HHAT: variants seen among roughly 807,000 people sequenced by gnomAD.
HHAT encodes protein-cysteine N-palmitoyltransferase HHAT.
HHAT carries 47 observed loss-of-function variants against 70.8 expected under a neutral mutation model. The observed-to-expected ratio is 0.66, with a 90% CI of 0.53 to 0.85. HHAT has a LOEUF of 0.85. Among genes scored for constraint, HHAT ranks in the 40% least tolerant of loss-of-function variants. The pLI is 0.00. For synonymous variants in HHAT, 228 were observed against 247.6 expected (o/e 0.92, Z 0.74); for missense variants, 609 against 604.8 (o/e 1.01, Z -0.07).
rs1314138423 is a variant in HHAT, at chr1:210,464,494, T to C, written c.857-11T>C. 6.2e-7 allele frequency: 1 copy of C among 1,614,168 alleles called. No homozygotes were observed. The highest frequency in any genetic ancestry group is 8.5e-7 in the Non-Finnish European group (1 of 1,179,992). On this transcript the variant is annotated splice_polypyrimidine_tract_variant and intron_variant, in intron 7 of 11. Coordinates refer to ENST00000261458, the MANE Select transcript of HHAT (RefSeq NM_018194.6). ...TCTTCCATGTGTCTGACTGGTCTGT[T>C]TGCCTTTCAGGAGGACTGGCGTTAG...
At chr1:210,387,977 C>T (rs564349115) in intron 4 of HHAT, among the ~76,000 whole-genome samples, 1 of 152,202 alleles carries the variant, frequency 6.6e-6, no homozygotes, top group East Asian at 1.9e-4. Flanking sequence ...GTTTATGCTG[C>T]TGTCACTGTT....
At chr1:210,332,874 T>C (rs1312909982) in intron 1 of HHAT, among the ~76,000 whole-genome samples, 4 of 152,226 alleles carry the variant, frequency 2.6e-5, no homozygotes, top group African/African-American at 4.8e-5. Context: ...TCTTACAGTC[T>C]TCTGTCTCAT....
At chr1:210,341,609 C>G (rs1227152961) in intron 1 of HHAT, among the ~76,000 whole-genome samples, 1 of 152,168 alleles carries the variant, frequency 6.6e-6, no homozygotes, top group Non-Finnish European at 1.5e-5. Context: ...TGAAAGGGAC[C>G]TAAAAACTTA....
chr1:210,566,910 A>C (rs1037206195), intron 9 of HHAT, among the ~76,000 whole-genome samples: 12 of 152,178 alleles, frequency 7.9e-5, no homozygotes, highest in Non-Finnish European at 1.3e-4. Flanking sequence ...GTTAACACTT[A>C]AGCCATTCAC....
At chr1:210,658,260 G>A (rs1676876068) in intron 11 of HHAT, among the ~76,000 whole-genome samples, 1 of 152,094 alleles carries the variant, frequency 6.6e-6, no homozygotes, top group South Asian at 2.1e-4. Context: ...AGTGGCCCAA[G>A]TGTCCCTTTT....
At chr1:210,340,244 A>AG (rs1558310328) in intron 1 of HHAT, among the ~76,000 whole-genome samples, 22 of 50,484 alleles carry the variant, frequency 4.4e-4, no homozygotes, top group South Asian at 3.2e-3. Flanking sequence ...CTGTCTCAGA[A>AG]AAAAAAAAAA....
At chr1:210,601,980 T>A in intron 10 of HHAT, among the ~76,000 whole-genome samples, 1 of 137,838 alleles carries the variant, frequency 7.3e-6, no homozygotes, top group Admixed American at 7.7e-5. Context: ...AGTGTGTGTG[T>A]GTGTGTATGT....
chr1:210,459,722 C>T lies in HHAT; in HGVS notation c.857-4783C>T, dbSNP rs775384923. ...CCACCTCAACAGTTCTGAGCTCCCT[C>T]ACCCTGTTCTACAGTTTTGCTTTTT... is the stretch of plus-strand genomic sequence containing the variant. On this transcript the variant is annotated intron_variant, in intron 7 of 11. Coordinates refer to ENST00000261458, the MANE Select transcript of HHAT (RefSeq NM_018194.6). Among the ~76,000 whole-genome samples the T allele has an allele frequency of 5.3e-4, 80 of 152,238 alleles. 1 individual carries two copies. The highest frequency in any genetic ancestry group is 6.5e-4 in the Non-Finnish European group (44 of 68,044).
chr1:210,646,545 A>G (rs1482969997), intron 11 of HHAT, among the ~76,000 whole-genome samples: 1 of 151,944 alleles, frequency 6.6e-6, no homozygotes, highest in African/African-American at 2.4e-5. Context: ...TGCTTTTATG[A>G]AAATTACAAT....
chr1:210,479,942 G>A (rs1374157298), intron 8 of HHAT, among the ~76,000 whole-genome samples: 1 of 152,098 alleles, frequency 6.6e-6, no homozygotes, highest in Non-Finnish European at 1.5e-5. Flanking sequence ...CTGTCACCTC[G>A]GTCAAGGTAC....
intron 8 of HHAT, among the ~76,000 whole-genome samples, chr1:210,488,266 C>G (rs2094502602): frequency 6.6e-6 from 1 of 152,180 alleles, no homozygotes; most frequent in Admixed American, 6.5e-5. Flanking sequence ...AGTCTTGACT[C>G]ACATATCACC....
intron 8 of HHAT, among the ~76,000 whole-genome samples, chr1:210,489,975 C>T (rs984829346): frequency 4.6e-5 from 7 of 152,130 alleles, no homozygotes; most frequent in African/African-American, 1.7e-4. Context: ...ACTTTTACAT[C>T]TTAACATAGA....
chr1:210,510,717 A>G (rs1013598778), intron 8 of HHAT, among the ~76,000 whole-genome samples: 1 of 152,214 alleles, frequency 6.6e-6, no homozygotes, highest in African/African-American at 2.4e-5. Flanking sequence ...AGCTCTGGGC[A>G]TACCAGTACC....
In HHAT at chr1:210,608,135, C is replaced by A. The variant is rs182737830; in HGVS notation, c.1246-15391C>A. ...TTTTCTCTTGCAAATAATGCATCTG[C>A]AGTGAAGACTCCATTTCGAGATTCC... On this transcript the variant is annotated intron_variant, in intron 10 of 11. Transcript: ENST00000261458. 2.9e-4 allele frequency among the ~76,000 whole-genome samples: 44 copies of A among 152,232 alleles called. 1 individual carries two copies. The highest frequency in any genetic ancestry group is 3.4e-3 in the Middle Eastern group (1 of 294).
At chr1:210,533,549 A>T (rs1179449413) in intron 9 of HHAT, among the ~76,000 whole-genome samples, 1 of 152,184 alleles carries the variant, frequency 6.6e-6, no homozygotes, top group Non-Finnish European at 1.5e-5. Flanking sequence ...TCTGAGACTC[A>T]CAGACAACCT....
intron 7 of HHAT, among the ~76,000 whole-genome samples, chr1:210,434,614 G>T (rs758344537): frequency 1.8e-4 from 28 of 151,678 alleles, no homozygotes; most frequent in Non-Finnish European, 3.2e-4. Flanking sequence ...TCAAGTCCAG[G>T]CTCTCAGTGG....
At chr1:210,638,350 AGAAATGAAGT>A (rs1672310801) in intron 11 of HHAT, among the ~76,000 whole-genome samples, 1 of 152,250 alleles carries the variant, frequency 6.6e-6, no homozygotes, top group Non-Finnish European at 1.5e-5. Context: ...AGCAATAAAG[AGAAATGAAGT>A]ACTGATTTAT....
chr1:210,617,872 G>A (rs927522795), intron 10 of HHAT, among the ~76,000 whole-genome samples: 1 of 152,308 alleles, frequency 6.6e-6, no homozygotes, highest in South Asian at 2.1e-4. Context: ...AGGAGGTATT[G>A]CTTTCAAAGG....
rs767202454 is a variant in HHAT, at chr1:210,517,181, A to G, written c.1043+3993A>G. Among the ~76,000 whole-genome samples the G allele has an allele frequency of 3.3e-5, 5 of 152,352 alleles. No homozygotes were observed. The South Asian group carries it at 1.0e-3, about 32-fold the overall frequency. On this transcript the variant is annotated intron_variant, in intron 9 of 11. Coordinates refer to ENST00000261458, the MANE Select transcript of HHAT (RefSeq NM_018194.6). ...ACAGAATAAAAATCTCTGTTTCATT[A>G]TAGATAACAGGGTGGCTTGTTTAAA...
Sources: allele counts gnomAD v4.1 joint callset (sites outside exome capture counted in the v4.1 genomes callset), GRCh38; gene constraint gnomAD v4.1.1; transcripts MANE v1.5; gene names NCBI Gene and HGNC (gene_info 2026-07-23, HGNC 2026-07-21).